FKBP1B: variants seen among roughly 807,000 people sequenced by gnomAD.
FKBP1B encodes the protein peptidyl-prolyl cis-trans isomerase FKBP1B.
Under a neutral mutation model 13.5 loss-of-function variants are expected in FKBP1B, and 4 were observed. The ratio of observed to expected loss-of-function variants is 0.30; its 90% CI spans 0.15 to 0.68. FKBP1B has a LOEUF of 0.68. Ranked by LOEUF, FKBP1B falls within the 30% of genes least tolerant of loss-of-function variation. The pLI is 0.76. For missense variants in FKBP1B, 93 were observed against 136.2 expected, an observed-to-expected ratio of 0.68 and a Z score of 1.58; for synonymous variants, 54 against 53.6, an observed-to-expected ratio of 1.01 and a Z score of -0.03.
At chr2:24,053,053 G>T (rs891237596) in intron 1 of FKBP1B, among the ~76,000 whole-genome samples, 2 of 151,992 alleles carry the variant, frequency 1.3e-5, no homozygotes, top group Non-Finnish European at 2.9e-5. Flanking sequence ...CTGTGATCAG[G>T]CACAGGCTTG....
chr2:24,061,284 G>A (rs1014390437), intron 3 of FKBP1B, among the ~76,000 whole-genome samples: 5 of 152,090 alleles, frequency 3.3e-5, no homozygotes, highest in African/African-American at 1.2e-4. Flanking sequence ...CACCAACATG[G>A]TGTAACCCCG....
intron 2 of FKBP1B, among the ~76,000 whole-genome samples, chr2:24,054,860 A>G (rs1226979582): frequency 6.6e-6 from 1 of 152,214 alleles, no homozygotes; most frequent in Non-Finnish European, 1.5e-5. Context: ...ACAGACCAGT[A>G]TTTATCAAGT....
chr2:24,059,565 A>G (rs1418198443), intron 2 of FKBP1B, among the ~76,000 whole-genome samples: 3 of 152,124 alleles, frequency 2.0e-5, no homozygotes, highest in Non-Finnish European at 4.4e-5. Flanking sequence ...TAGCTGGGAA[A>G]ACAGAACTTT....
Position 24,063,298 on chromosome 2 carries a change from A to G in FKBP1B, c.*106A>G. The G allele has an allele frequency of 9.3e-7, 1 of 1,073,596 alleles. No individual in the cohort carries two copies. Among genetic ancestry groups the G allele is most frequent in the Non-Finnish European group, 1.3e-6 (1 of 770,272 alleles). 66.5% of individuals were successfully genotyped at this position (1,073,596 alleles called of 1,614,324 possible). ...TTTTGGGGCTCTTGATCAGTGTGCT[A>G]ACCTCACTGCCTCATGGCATCATCC... On this transcript the variant is annotated 3_prime_UTR_variant, in exon 4 of 4. Transcript: ENST00000380986.
chr2:24,063,286 GA>G lies in FKBP1B; in HGVS notation c.*95del. 7.9e-7 allele frequency: 1 copy of G among 1,266,714 alleles called. No homozygotes were observed. The highest frequency in any genetic ancestry group is 1.1e-6 in the Non-Finnish European group (1 of 934,546). The allele number at this position is 1,266,714 out of a possible 1,614,324, so 78.5% of individuals were successfully genotyped here. A position where few individuals can be genotyped will look rare whatever the true frequency, so the allele number is the denominator to read the frequency against. On this transcript the variant is annotated 3_prime_UTR_variant, in exon 4 of 4. Transcript: ENST00000380986. ...GACGGCTCCTGCTTTTGGGGCTCTT[GA>G]TCAGTGTGCTAACCTCACTGCCTCA...
At chr2:24,049,965 T>G in intron 1 of FKBP1B, 79 bp downstream of exon 1, 1 of 1,185,550 alleles carries the variant, frequency 8.4e-7, no homozygotes, top group Non-Finnish European at 1.1e-6. Flanking sequence ...GATTCGGAGG[T>G]GGCGTGGAGG....
Position 24,063,477 on chromosome 2 carries a change from G to T in FKBP1B, c.*285G>T. 8.2e-4 allele frequency: 278 copies of T among 338,670 alleles called. No homozygotes were observed. Among genetic ancestry groups the T allele is most frequent in the South Asian group, 4.9e-3 (53 of 10,822 alleles). The allele number at this position is 338,670 out of a possible 1,614,324, so 21.0% of individuals were successfully genotyped here. On this transcript the variant is annotated 3_prime_UTR_variant, in exon 4 of 4. Coordinates refer to ENST00000380986, the MANE Select transcript of FKBP1B (RefSeq NM_004116.5). Reference sequence around the variant, plus strand: ...CCTGATGACAGAACACAGATCTCTTGTTCGCACAATCTACACTGCCTTACC... The same window carrying T: ...CCTGATGACAGAACACAGATCTCTTTTTCGCACAATCTACACTGCCTTACC...
the FKBP1B span, chr2:24,038,405 T>C: frequency 6.2e-7 from 1 of 1,614,078 alleles, no homozygotes; most frequent in South Asian, 1.1e-5. Context: ...TAGATCAAAA[T>C]TATATTACAA....
At chr2:24,039,044 C>T in the FKBP1B span, 1 of 1,614,132 alleles carries the variant, frequency 6.2e-7, no homozygotes, top group Middle Eastern at 1.6e-4. Context: ...TTGATGTCTG[C>T]CTTTACCTGG....
the FKBP1B span, chr2:24,038,880 G>A: frequency 6.2e-6 from 10 of 1,614,090 alleles, no homozygotes; most frequent in East Asian, 6.7e-5. Context: ...TGGAGCAGAC[G>A]TGGCTGTCCA....
rs957082741 is a variant in FKBP1B, at chr2:24,050,855, A to G, written c.37+969A>G. On this transcript the variant is annotated intron_variant, in intron 1 of 3. Transcript: ENST00000380986. This position sits in a 1 kb window ranked among gnomAD's most constrained non-coding sequence, Gnocchi z 5.8. ...CTTGTCCAATCCCAGCCACTACTTC[A>G]GATATCCCCTGGAGTACAGGCTTCT... 1.3e-5 allele frequency among the ~76,000 whole-genome samples: 2 copies of G among 152,178 alleles called. No homozygotes were observed. The highest frequency in any genetic ancestry group is 4.8e-5 in the African/African-American group (2 of 41,440).
chr2:24,057,283 C>A (rs963896769), intron 2 of FKBP1B, among the ~76,000 whole-genome samples: 1 of 151,982 alleles, frequency 6.6e-6, no homozygotes, highest in Non-Finnish European at 1.5e-5. Context: ...GCAGCCTTGA[C>A]CTCCTGGGTT....
intron 1 of FKBP1B, among the ~76,000 whole-genome samples, chr2:24,051,074 G>A (rs1179069931): frequency 6.6e-6 from 1 of 152,162 alleles, no homozygotes; most frequent in Non-Finnish European, 1.5e-5. Flanking sequence ...AGTGGCTCAC[G>A]CCTGTAATCC....
the FKBP1B span, among the ~76,000 whole-genome samples, chr2:24,042,958 A>G: frequency 2.1e-5 from 3 of 142,092 alleles, no homozygotes; most frequent in African/African-American, 5.3e-5. Context: ...ACTTGAACCC[A>G]GGAGGCGGAG....
intron 2 of FKBP1B, 87 bp downstream of exon 2, chr2:24,054,036 T>A: frequency 7.5e-7 from 1 of 1,336,618 alleles, no homozygotes; most frequent in Non-Finnish European, 1.1e-6. Context: ...GGTGCCTGCC[T>A]CTGGATCAGG....
chr2:24,063,078 G>A lies in FKBP1B; in HGVS notation c.213G>A (p.Gln71=). 6.2e-7 allele frequency: 1 copy of A among 1,614,190 alleles called. No individual in the cohort carries two copies. The highest frequency in any genetic ancestry group is 1.1e-5 in the South Asian group (1 of 91,072). The change falls in exon 4 of 4, where the codon CAG becomes CAA. Residue 71 remains glutamine, a synonymous_variant. Coordinates refer to ENST00000380986, the MANE Select transcript of FKBP1B (RefSeq NM_004116.5). ...ATCCCTGCTAGATGAGCTTGGGGCAGAGGGCGAAGCTGACCTGCACCCCTG... is the reference window on the plus strand; with the variant it reads ...ATCCCTGCTAGATGAGCTTGGGGCAAAGGGCGAAGCTGACCTGCACCCCTG... ...EEGAAQMSLG[Q]RAKLTCTPDV...
chr2:24,063,485 A>ACCGAG lies in FKBP1B; in HGVS notation c.*293_*294insCCGAG. The ACCGAG allele has an allele frequency of 6.3e-6, 2 of 318,028 alleles. No homozygotes were observed. The allele number at this position is 318,028 out of a possible 1,614,324, so 19.7% of individuals were successfully genotyped here. A position where few individuals can be genotyped will look rare whatever the true frequency, so the allele number is the denominator to read the frequency against. The stretch of plus-strand genomic sequence containing the variant: ...CAGAACACAGATCTCTTGTTCGCAC[A>ACCGAG]ATCTACACTGCCTTACCTTCACTTA... On this transcript the variant is annotated 3_prime_UTR_variant, in exon 4 of 4. Transcript: ENST00000380986.
At chr2:24,057,383 G>T (rs1264582353) in intron 2 of FKBP1B, among the ~76,000 whole-genome samples, 18 of 149,140 alleles carry the variant, frequency 1.2e-4, no homozygotes, top group South Asian at 2.1e-4. Flanking sequence ...GTTTTTTTTT[G>T]TGTGTGTGTG....
At position 24,063,417 on chromosome 2, in the gene FKBP1B, G is replaced by T; in HGVS notation, c.*225G>T. 2.0e-6 allele frequency: 1 copy of T among 504,244 alleles called. No individual in the cohort carries two copies. The allele number at this position is 504,244 out of a possible 1,614,324, so 31.2% of individuals were successfully genotyped here. ...TCGGTTGCAGATTGAAGCATTTCAG[G>T]TTGTGCATTTTGTGTGATGCATGTA... is the stretch of plus-strand genomic sequence containing the variant. On this transcript the variant is annotated 3_prime_UTR_variant, in exon 4 of 4. Coordinates refer to ENST00000380986, the MANE Select transcript of FKBP1B (RefSeq NM_004116.5).
Sources: gnomAD v4.1 joint callset for allele counts (sites outside exome capture counted in the v4.1 genomes callset) on GRCh38, gnomAD v4.1.1 for gene constraint, Gnocchi (gnomAD v3.1) non-coding constraint, MANE v1.5 for transcripts, NCBI Gene and HGNC (gene_info 2026-07-23, HGNC 2026-07-21) for gene names.